PLXDC2: variants seen among roughly 807,000 people sequenced by gnomAD.
PLXDC2 encodes the protein plexin domain containing 2.
Under a neutral mutation model 68.9 loss-of-function variants are expected in PLXDC2, and 40 were observed. That is an observed-to-expected ratio of 0.58 (90% CI 0.45 to 0.76). PLXDC2 has a LOEUF of 0.76. Ranked by LOEUF, PLXDC2 falls within the 30% of genes least tolerant of loss-of-function variation. PLXDC2 has a pLI of 0.00. For missense variants in PLXDC2, 644 were observed against 661.9 expected, an observed-to-expected ratio of 0.97 and a Z score of 0.30; for synonymous variants, 243 against 234.2, an observed-to-expected ratio of 1.04 and a Z score of -0.34.
chr10:20,177,094 A>G lies in PLXDC2; in HGVS notation c.979A>G (p.Thr327Ala), dbSNP rs1346568785. 6.3e-7 allele frequency: 1 copy of G among 1,597,406 alleles called. No homozygotes were observed. Among genetic ancestry groups the G allele is most frequent in the South Asian group, 1.1e-5 (1 of 90,670 alleles). ...GGCTGTGGAGATGACCCCATTACCC[A>G]GTAAGCGAATATGTAAACCTAGGTG... Reference protein sequence around the residue: ...ISAVEMTPLPTCLQFNRCGPC... With the variant: ...ISAVEMTPLPACLQFNRCGPC... Residue 327 changes from threonine (T) to alanine (A), a missense_variant and splice_region_variant, in exon 8 of 14, where the codon ACA becomes GCA. Coordinates refer to ENST00000377252, the MANE Select transcript of PLXDC2 (RefSeq NM_032812.9).
At chr10:19,942,268 A>G (rs1833832596) in intron 1 of PLXDC2, among the ~76,000 whole-genome samples, 2 of 152,214 alleles carry the variant, frequency 1.3e-5, no homozygotes, top group African/African-American at 4.8e-5. Context: ...AGTGTGCTAA[A>G]TAGTGCAACA....
chr10:19,879,832 G>C (rs1037627311), intron 1 of PLXDC2, among the ~76,000 whole-genome samples: 1 of 152,168 alleles, frequency 6.6e-6, no homozygotes, highest in African/African-American at 2.4e-5. Context: ...TCAGTGAGTT[G>C]ATTGGGTTCT....
At chr10:19,886,362 T>C (rs1251910065) in intron 1 of PLXDC2, among the ~76,000 whole-genome samples, 6 of 152,146 alleles carry the variant, frequency 3.9e-5, no homozygotes. Flanking sequence ...TGAACATTGA[T>C]GCAAAAATCC....
intron 1 of PLXDC2, among the ~76,000 whole-genome samples, chr10:19,883,840 A>G (rs918249504): frequency 7.0e-6 from 1 of 142,212 alleles, no homozygotes; most frequent in East Asian, 2.2e-4. Context: ...ATCTCTGTTT[A>G]GATCAGTGAT....
At chr10:19,999,534 T>G (rs1023026293) in intron 1 of PLXDC2, among the ~76,000 whole-genome samples, 4 of 152,158 alleles carry the variant, frequency 2.6e-5, no homozygotes, top group Admixed American at 6.6e-5. Flanking sequence ...CTACCATTTC[T>G]TATCTAGGTT....
chr10:20,008,182 G>C (rs576637721), intron 2 of PLXDC2, among the ~76,000 whole-genome samples: 16 of 152,224 alleles, frequency 1.1e-4, no homozygotes, highest in African/African-American at 3.9e-4. Flanking sequence ...TCATTGTGTG[G>C]GCTCTAATAG....
chr10:19,964,984 T>C (rs889363972), intron 1 of PLXDC2, among the ~76,000 whole-genome samples: 3 of 152,202 alleles, frequency 2.0e-5, no homozygotes, highest in Non-Finnish European at 4.4e-5. Context: ...CCATAACAGT[T>C]ATCCTGCTTG....
At chr10:20,151,279 C>T (rs138683021) in intron 6 of PLXDC2, among the ~76,000 whole-genome samples, 10 of 152,280 alleles carry the variant, frequency 6.6e-5, no homozygotes, top group East Asian at 1.9e-4. Context: ...TAGTAGTTTG[C>T]GTAATGTATT....
rs149601024 is a variant in PLXDC2 at position 20,199,113 on chromosome 10, A to G, written c.1062-12556A>G. Reference sequence around the variant, plus strand: ...CATAGTCAAATAATAAATCTATTTTATGAATATAAATATGGTTTAATTTAA... The same window carrying G: ...CATAGTCAAATAATAAATCTATTTTGTGAATATAAATATGGTTTAATTTAA... On this transcript the variant is annotated intron_variant, in intron 9 of 13. Transcript: ENST00000377252. 5.1e-3 allele frequency among the ~76,000 whole-genome samples: 771 copies of G among 152,224 alleles called. 6 individuals carry two copies. Among genetic ancestry groups the G allele is most frequent in the African/African-American group, 0.017 (708 of 41,574 alleles).
chr10:20,221,278 AC>A (rs1835208909), intron 12 of PLXDC2, among the ~76,000 whole-genome samples: 1 of 149,696 alleles, frequency 6.7e-6, no homozygotes, highest in African/African-American at 2.5e-5. Flanking sequence ...GAATCATAAA[AC>A]TTCGAAGATT....
chr10:20,207,670 T>C (rs1470298547), intron 9 of PLXDC2, among the ~76,000 whole-genome samples: 1 of 152,204 alleles, frequency 6.6e-6, no homozygotes, highest in African/African-American at 2.4e-5. Context: ...GGAGCACTCA[T>C]CTAACTCATC....
Position 19,874,843 on chromosome 10 carries a change from G to A in PLXDC2, c.112+57652G>A, listed in dbSNP as rs74678842. 5.2e-3 allele frequency among the ~76,000 whole-genome samples: 796 copies of A among 152,260 alleles called. 6 individuals are homozygous for A. The highest frequency in any genetic ancestry group is 0.017 in the African/African-American group (704 of 41,548). On this transcript the variant is annotated intron_variant, in intron 1 of 13. Coordinates refer to ENST00000377252, the MANE Select transcript of PLXDC2 (RefSeq NM_032812.9). ...AGGGGACCCGGGGGATATCTGGCCC[G>A]ACTGTCAGGGAAGTTGGGGGATTTT...
chr10:19,932,885 C>G (rs1342788603), intron 1 of PLXDC2, among the ~76,000 whole-genome samples: 4 of 152,078 alleles, frequency 2.6e-5, no homozygotes, highest in Non-Finnish European at 4.4e-5. Flanking sequence ...GACTTTGGGT[C>G]AAGTAGAAAG....
At chr10:19,832,747 A>T (rs1836718756) in intron 1 of PLXDC2, among the ~76,000 whole-genome samples, 2 of 152,190 alleles carry the variant, frequency 1.3e-5, no homozygotes, top group African/African-American at 4.8e-5. Context: ...TGCGAGGGAC[A>T]AACCAATACT....
chr10:20,045,543 CTCTT>C (rs1236232145), intron 2 of PLXDC2, among the ~76,000 whole-genome samples: 1 of 152,118 alleles, frequency 6.6e-6, no homozygotes, highest in Admixed American at 6.6e-5. Flanking sequence ...ATCATAGTCT[CTCTT>C]TTAGTCATGA....
chr10:20,251,525 G>T (rs896530924), intron 13 of PLXDC2, among the ~76,000 whole-genome samples: 1 of 151,986 alleles, frequency 6.6e-6, no homozygotes, highest in African/African-American at 2.4e-5. Context: ...TTTGTGACTT[G>T]TAATATATTT....
intron 4 of PLXDC2, among the ~76,000 whole-genome samples, chr10:20,080,496 G>A (rs1046441387): frequency 2.0e-5 from 3 of 152,134 alleles, no homozygotes; most frequent in African/African-American, 4.8e-5. Context: ...AAGTCCAAGA[G>A]TCCAAAAGCT....
chr10:20,241,157 T>C (rs1835510714), intron 12 of PLXDC2, among the ~76,000 whole-genome samples: 1 of 152,134 alleles, frequency 6.6e-6, no homozygotes, highest in Non-Finnish European at 1.5e-5. Context: ...GGAGATAATG[T>C]CACTAAATTA....
intron 9 of PLXDC2, among the ~76,000 whole-genome samples, chr10:20,209,572 A>G (rs999104439): frequency 3.3e-5 from 5 of 152,156 alleles, no homozygotes; most frequent in Admixed American, 2.6e-4. Flanking sequence ...CTTTTGAAAG[A>G]TATTTGCTTT....
Sources: allele counts gnomAD v4.1 joint callset (sites outside exome capture counted in the v4.1 genomes callset), GRCh38; gene constraint gnomAD v4.1.1; transcripts MANE v1.5; gene names NCBI Gene and HGNC (gene_info 2026-07-23, HGNC 2026-07-21).